SLC8A2: variants seen among roughly 807,000 people sequenced by gnomAD.
SLC8A2 encodes the protein solute carrier family 8 member A2, also known as sodium/calcium exchanger 2.
In SLC8A2, 14 loss-of-function variants were observed where a neutral mutation model predicts 70.2. That is an observed-to-expected ratio of 0.20 (90% CI 0.13 to 0.31). SLC8A2 has a LOEUF of 0.31. SLC8A2 is among the 10% of genes least tolerant of loss of function. The pLI, the probability that SLC8A2 is intolerant of heterozygous loss-of-function variation, is 1.00. For synonymous variants in SLC8A2, 575 were observed against 594.3 expected (o/e 0.97, Z 0.47); for missense variants, 779 against 1,320.1 (o/e 0.59, Z 6.35).
At chr19:47,438,724 A>T (rs1387913136) in intron 6 of SLC8A2, among the ~76,000 whole-genome samples, 1 of 152,016 alleles carries the variant, frequency 6.6e-6, no homozygotes, top group Admixed American at 6.6e-5. Flanking sequence ...CCTGGATCTG[A>T]CCTCAGCACA....
At position 47,444,435 on chromosome 19, in the gene SLC8A2, A is replaced by G. The variant is rs150323598; in HGVS notation, c.1764-2995T>C. On this transcript the variant is annotated intron_variant, in intron 4 of 9. Coordinates refer to ENST00000236877, the MANE Select transcript of SLC8A2 (RefSeq NM_015063.3). ...CCCTCCTGGTTTCAGGATATTTTCA[A>G]TTTTCTGTGGGTGGAAAGAAAGGGC... 3.4e-4 allele frequency among the ~76,000 whole-genome samples: 51 copies of G among 152,056 alleles called. 1 individual carries two copies. In the East Asian group the frequency reaches 9.1e-3, roughly 27 times the overall value.
rs750150881 is a variant in SLC8A2 at position 47,457,502 on chromosome 19, C to T, written c.768G>A (p.Val256=). Residue 256 remains valine (V), a synonymous_variant, in exon 3 of 10, where the codon GTG becomes GTA. Transcript: ENST00000236877. ...ADKRLLFYKY[V]YKRYRTDPRS... ...GTGGGTCGGTGCGGTAGCGCTTGTA[C>T]ACGTACTTGTAGAAGAGCAGCCGCT... 6.8e-6 allele frequency: 11 copies of T among 1,607,476 alleles called. No individual in the cohort carries two copies. Among genetic ancestry groups the T allele is most frequent in the South Asian group, 3.4e-5 (3 of 89,456 alleles).
chr19:47,463,115 G>C (rs1967415953), intron 2 of SLC8A2, among the ~76,000 whole-genome samples: 1 of 151,844 alleles, frequency 6.6e-6, no homozygotes, highest in Admixed American at 6.6e-5. Flanking sequence ...TGGAAATGCA[G>C]ACTGTTCTGT....
chr19:47,443,652 G>C (rs1472765960), intron 4 of SLC8A2, among the ~76,000 whole-genome samples: 1 of 152,180 alleles, frequency 6.6e-6, no homozygotes, highest in Non-Finnish European at 1.5e-5. Flanking sequence ...GCCCCTCACT[G>C]TGGTACCACG....
chr19:47,468,161 G>A lies in SLC8A2; in HGVS notation c.-16-1742C>T, dbSNP rs1459132040. Among the ~76,000 whole-genome samples the A allele has an allele frequency of 6.6e-6, 1 of 151,590 alleles. No individual in the cohort carries two copies. The highest frequency in any genetic ancestry group is 2.1e-4 in the South Asian group (1 of 4,794). ...CAACCTGGCCCCGACTCCCTCTCTG[G>A]CCTCTTTTCCCACCCTCTCCCCCTT... On this transcript the variant is annotated intron_variant, in intron 1 of 9. Transcript: ENST00000236877. This position sits in a 1 kb window ranked among gnomAD's most constrained non-coding sequence, Gnocchi z 5.1.
At chr19:47,471,481 G>T (rs1249054139) in intron 1 of SLC8A2, among the ~76,000 whole-genome samples, 2 of 151,338 alleles carry the variant, frequency 1.3e-5, no homozygotes, top group Non-Finnish European at 3.0e-5. Context: ...ACAGGAAGGC[G>T]GGGGCAGAGG....
chr19:47,462,198 A>T (rs546880678), intron 2 of SLC8A2, among the ~76,000 whole-genome samples: 40 of 152,266 alleles, frequency 2.6e-4, no homozygotes, highest in African/African-American at 8.2e-4. Flanking sequence ...CCGTGAAAAC[A>T]CTGTTTATGA....
In SLC8A2 at chr19:47,466,269, C is replaced by T. The variant is rs748018555; in HGVS notation, c.135G>A (p.Gly45=). Residue 45 remains glycine (G), a synonymous_variant, in exon 2 of 10, where the codon GGG becomes GGA. Transcript: ENST00000236877. The surrounding 1 kb of genome is among the most constrained non-coding windows in gnomAD (Gnocchi z 6.9). ...DSDTSTGGCQ[G]SYRCQPGVLL... ...GCACCCCCGGCTGGCAGCGGTAGGA[C>T]CCCTGGCAGCCCCCTGTGCTGGTGT... 3.8e-6 allele frequency: 6 copies of T among 1,567,120 alleles called. No homozygotes were observed. In the South Asian group the frequency reaches 5.9e-5, roughly 15 times the overall value.
intron 3 of SLC8A2, among the ~76,000 whole-genome samples, chr19:47,455,734 C>T (rs1018937617): frequency 2.0e-5 from 3 of 152,158 alleles, no homozygotes; most frequent in African/African-American, 7.2e-5. Context: ...CACATGAGGA[C>T]AGAGATCTTA....
intron 8 of SLC8A2, among the ~76,000 whole-genome samples, chr19:47,435,270 G>A (rs1013271333): frequency 6.6e-6 from 1 of 152,096 alleles, no homozygotes; most frequent in African/African-American, 2.4e-5. Context: ...TATTATTACA[G>A]TTATTATTAT....
chr19:47,436,153 T>C (rs1334481998), intron 8 of SLC8A2, among the ~76,000 whole-genome samples: 3 of 152,080 alleles, frequency 2.0e-5, no homozygotes, highest in African/African-American at 4.8e-5. Flanking sequence ...CTCCCTGTCT[T>C]CTCCCTCCTC....
At position 47,447,491 on chromosome 19, in the gene SLC8A2, G is replaced by A; in HGVS notation, c.1763+318C>T. 2.4e-6 allele frequency: 1 copy of A among 416,666 alleles called. No homozygotes were observed. Among genetic ancestry groups the A allele is most frequent in the Non-Finnish European group, 4.3e-6 (1 of 231,954 alleles). The allele number at this position is 416,666 out of a possible 1,614,324, so 25.8% of individuals were successfully genotyped here. A position where few individuals can be genotyped will look rare whatever the true frequency, so the allele number is the denominator to read the frequency against. On this transcript the variant is annotated intron_variant, in intron 4 of 9. Transcript: ENST00000236877. This position sits in a 1 kb window ranked among gnomAD's most constrained non-coding sequence, Gnocchi z 5.1. ...CATTTCACAGTCACAACCCCACCAG[G>A]CCCCGCCCACGTGGTAGACACAGCA...
Position 47,457,604 on chromosome 19 carries a change from G to T in SLC8A2, c.676-10C>A. 1 of 1,529,602 alleles carries T rather than the reference G, an allele frequency of 6.5e-7. No homozygotes were observed. Among genetic ancestry groups the T allele is most frequent in the Non-Finnish European group, 8.8e-7 (1 of 1,139,352 alleles). 94.8% of individuals were successfully genotyped at this position (1,529,602 alleles called of 1,614,324 possible). A position where few individuals can be genotyped will look rare whatever the true frequency, so the allele number is the denominator to read the frequency against. On this transcript the variant is annotated splice_polypyrimidine_tract_variant and intron_variant, in intron 2 of 9. Coordinates refer to ENST00000236877, the MANE Select transcript of SLC8A2 (RefSeq NM_015063.3). ...GCAGCGCCTCCCACACCTGCGGGCG[G>T]CGGGCGTCAGGGCGAGGCCGGGCGG... is the stretch of plus-strand genomic sequence containing the variant.
chr19:47,455,081 C>CT (rs1967288026), intron 3 of SLC8A2, among the ~76,000 whole-genome samples: 1 of 151,598 alleles, frequency 6.6e-6, no homozygotes. Context: ...GTGCGAAACT[C>CT]TGAGAAAAAG....
Position 47,447,798 on chromosome 19 carries a change from G to C in SLC8A2, c.1763+11C>G. 6.3e-7 allele frequency: 1 copy of C among 1,578,850 alleles called. No individual in the cohort carries two copies. The highest frequency in any genetic ancestry group is 8.5e-7 in the Non-Finnish European group (1 of 1,172,112). On this transcript the variant is annotated intron_variant, in intron 4 of 9. Transcript: ENST00000236877. This position sits in a 1 kb window ranked among gnomAD's most constrained non-coding sequence, Gnocchi z 5.1. ...CCCCGCCCCTCTCCGGGCCGCCTCG[G>C]GCGTGCTCACATGGTCTCGTCGTCG... is the stretch of plus-strand genomic sequence containing the variant.
At chr19:47,437,427 T>A (rs1476096936) in intron 8 of SLC8A2, 35 bp downstream of exon 8, 2 of 1,345,818 alleles carry the variant, frequency 1.5e-6, no homozygotes, top group Non-Finnish European at 2.1e-6. Flanking sequence ...TGTCTCTCCA[T>A]CTTTCTCTCT....
rs377528687 is a variant in SLC8A2 at position 47,461,115 on chromosome 19, G to C, written c.676-3521C>G. Reference sequence around the variant, plus strand: ...TGAGGCAGGAGAATCGCTTGAACCCGGGAGGCGGAGGTTGCAGTGAGCTGA... The same window carrying C: ...TGAGGCAGGAGAATCGCTTGAACCCCGGAGGCGGAGGTTGCAGTGAGCTGA... On this transcript the variant is annotated intron_variant, in intron 2 of 9. Transcript: ENST00000236877. Among the ~76,000 whole-genome samples, 10 of 148,208 alleles carry C rather than the reference G, an allele frequency of 6.7e-5. No homozygotes were observed. In the South Asian group the frequency reaches 1.1e-3, roughly 16 times the overall value.
intron 2 of SLC8A2, among the ~76,000 whole-genome samples, chr19:47,462,564 T>C (rs1967408645): frequency 6.7e-6 from 1 of 150,150 alleles, no homozygotes; most frequent in Admixed American, 6.7e-5. Context: ...GCGCCCGGCC[T>C]ATGTATATCT....
chr19:47,452,437 AGAGAGAGAGTGTGTGT>A (rs1568444536), intron 3 of SLC8A2, among the ~76,000 whole-genome samples: 30 of 87,312 alleles, frequency 3.4e-4, no homozygotes, highest in East Asian at 6.6e-4. Flanking sequence ...AGAGAGAGAG[AGAGAGAGAGTGTGTGT>A]GTGTGTGTGT....
Sources: allele counts gnomAD v4.1 joint callset (sites outside exome capture counted in the v4.1 genomes callset), GRCh38; gene constraint gnomAD v4.1.1; non-coding constraint Gnocchi (gnomAD v3.1); transcripts MANE v1.5; gene names NCBI Gene and HGNC (gene_info 2026-07-23, HGNC 2026-07-21).